The following EIF4E variants were observed in gnomAD, a reference collection of about 807,000 sequenced individuals.
EIF4E encodes eukaryotic translation initiation factor 4E.
For synonymous variants in EIF4E, 71 were observed against 88.5 expected (o/e 0.80, Z 1.11); for missense variants, 113 against 265.6 (o/e 0.43, Z 3.99).
At chr4:98,891,103 T>G (rs916725629) in intron 3 of EIF4E, 134 bp downstream of exon 3, 1 of 939,266 alleles carries the variant, frequency 1.1e-6, no homozygotes, top group Non-Finnish European at 1.6e-6. Flanking sequence ...TTCAAACTTT[T>G]GTGAGGAGAT....
At chr4:98,912,450 C>A (rs1725193120) in intron 1 of EIF4E, among the ~76,000 whole-genome samples, 11 of 151,740 alleles carry the variant, frequency 7.2e-5, no homozygotes, top group Admixed American at 7.2e-4. Flanking sequence ...GTGGTGCATG[C>A]CTGTAATCCC....
At chr4:98,907,116 A>G (rs963013204) in intron 1 of EIF4E, among the ~76,000 whole-genome samples, 5 of 152,152 alleles carry the variant, frequency 3.3e-5, no homozygotes, top group African/African-American at 9.7e-5. Context: ...GTTGTTTCAT[A>G]TGATTTGTTT....
In EIF4E at chr4:98,887,804, T is replaced by C. The variant is rs911184631; in HGVS notation, c.285+85A>G. 5.7e-6 allele frequency: 7 copies of C among 1,218,880 alleles called. No homozygotes were observed. The highest frequency in any genetic ancestry group is 6.0e-6 in the Non-Finnish European group (5 of 838,378). 75.5% of individuals were successfully genotyped at this position (1,218,880 alleles called of 1,614,324 possible). A position where few individuals can be genotyped will look rare whatever the true frequency, so the allele number is the denominator to read the frequency against. On this transcript the variant is annotated intron_variant, in intron 4 of 6. Coordinates refer to ENST00000450253, the MANE Select transcript of EIF4E (RefSeq NM_001968.5). This position sits in a 1 kb window ranked among gnomAD's most constrained non-coding sequence, Gnocchi z 4.0. ...AGCCTATTCATCACACTATCAAATATTCCTAAGTTTATGGTAAGATTTCTT... is the reference window on the plus strand; with the variant it reads ...AGCCTATTCATCACACTATCAAATACTCCTAAGTTTATGGTAAGATTTCTT...
intron 1 of EIF4E, among the ~76,000 whole-genome samples, chr4:98,910,723 T>A (rs993848408): frequency 6.6e-6 from 1 of 150,736 alleles, no homozygotes; most frequent in Non-Finnish European, 1.5e-5. Context: ...GTTTTAAAAC[T>A]TGGATGGATT....
chr4:98,902,787 C>T (rs990793518), intron 1 of EIF4E, among the ~76,000 whole-genome samples: 6 of 152,094 alleles, frequency 3.9e-5, no homozygotes, highest in African/African-American at 1.2e-4. Flanking sequence ...AGGAGGATTG[C>T]TTGAGCCCAG....
chr4:98,912,461 A>G (rs897689725), intron 1 of EIF4E, among the ~76,000 whole-genome samples: 4 of 151,898 alleles, frequency 2.6e-5, no homozygotes, highest in Admixed American at 1.3e-4. Flanking sequence ...CTGTAATCCC[A>G]GCTACGAAGG....
intron 2 of EIF4E, among the ~76,000 whole-genome samples, chr4:98,893,157 T>C (rs1486374177): frequency 6.6e-6 from 1 of 152,050 alleles, no homozygotes; most frequent in Non-Finnish European, 1.5e-5. Context: ...TAAAAAAAAA[T>C]GTACATACCT....
At chr4:98,903,241 G>A (rs551120898) in intron 1 of EIF4E, among the ~76,000 whole-genome samples, 28 of 152,054 alleles carry the variant, frequency 1.8e-4, no homozygotes, top group Non-Finnish European at 3.2e-4. Flanking sequence ...TTGGATATCA[G>A]ACTGAAGCAG....
chr4:98,896,486 C>CAAAAAAA (rs59729154), intron 2 of EIF4E, among the ~76,000 whole-genome samples: 682 of 38,970 alleles, frequency 0.018, 96 homozygotes, highest in African/African-American at 0.078. Flanking sequence ...CCGCATCTCT[C>CAAAAAAA]AAAAAAAAAA....
chr4:98,907,259 T>C (rs1009917826), intron 1 of EIF4E, among the ~76,000 whole-genome samples: 9 of 152,154 alleles, frequency 5.9e-5, no homozygotes, highest in Admixed American at 5.2e-4. Flanking sequence ...TTAAAGTAAA[T>C]TGAAGTAAGG....
At chr4:98,882,038 G>A (rs1174606636) in intron 6 of EIF4E, among the ~76,000 whole-genome samples, 1 of 152,170 alleles carries the variant, frequency 6.6e-6, no homozygotes, top group Non-Finnish European at 1.5e-5. Context: ...AAGTGAACAT[G>A]AGATAAAGCT....
chr4:98,928,678 C>T (rs371411064), intron 1 of EIF4E, among the ~76,000 whole-genome samples: 3 of 152,142 alleles, frequency 2.0e-5, no homozygotes, highest in East Asian at 1.9e-4. Context: ...AGGGCTCCCT[C>T]CTCCATCTCA....
intron 1 of EIF4E, among the ~76,000 whole-genome samples, chr4:98,907,774 C>T (rs1024190144): frequency 6.6e-6 from 1 of 152,012 alleles, no homozygotes; most frequent in African/African-American, 2.4e-5. Context: ...TAGGGTAAGT[C>T]CTTAAAATCC....
chr4:98,897,160 A>C (rs1724443750), intron 2 of EIF4E, among the ~76,000 whole-genome samples: 1 of 152,172 alleles, frequency 6.6e-6, no homozygotes, highest in Non-Finnish European at 1.5e-5. Flanking sequence ...AAGCAACAGT[A>C]GTTAAATCTG....
intron 2 of EIF4E, among the ~76,000 whole-genome samples, chr4:98,896,198 T>C (rs1307356907): frequency 6.6e-6 from 1 of 150,782 alleles, no homozygotes; most frequent in East Asian, 2.0e-4. Context: ...CCATCTCCAA[T>C]AAAATAAAAT....
intron 5 of EIF4E, among the ~76,000 whole-genome samples, chr4:98,886,076 C>T (rs534831779): frequency 2.6e-5 from 4 of 152,090 alleles, no homozygotes; most frequent in African/African-American, 9.6e-5. Context: ...TTGCTTGAAC[C>T]CAGGAGGCTA....
At position 98,902,391 on chromosome 4, in the gene EIF4E, A is replaced by G. The variant is rs114683144; in HGVS notation, c.19-409T>C. 2.8e-3 allele frequency among the ~76,000 whole-genome samples: 425 copies of G among 152,246 alleles called. 2 individuals are homozygous for G. The highest frequency in any genetic ancestry group is 9.2e-3 in the African/African-American group (381 of 41,552). ...GGCACTAGTAGTATTTTTTAAGAAG[A>G]AGGAATTAAAGCAGATTGCTTCATA... On this transcript the variant is annotated intron_variant, in intron 1 of 6. Transcript: ENST00000450253.
intron 1 of EIF4E, among the ~76,000 whole-genome samples, chr4:98,906,172 T>C (rs537055706): frequency 6.6e-6 from 1 of 152,318 alleles, no homozygotes; most frequent in African/African-American, 2.4e-5. Context: ...CTCCATTACC[T>C]TCATTCAACA....
intron 1 of EIF4E, chr4:98,909,498 C>T: frequency 1.7e-6 from 1 of 582,722 alleles, no homozygotes; most frequent in South Asian, 2.4e-5. Flanking sequence ...AAACTGGACC[C>T]CATGATTTAA....
Sources: allele counts gnomAD v4.1 joint callset (sites outside exome capture counted in the v4.1 genomes callset), GRCh38; gene constraint gnomAD v4.1.1; non-coding constraint Gnocchi (gnomAD v3.1); transcripts MANE v1.5; gene names NCBI Gene and HGNC (gene_info 2026-07-23, HGNC 2026-07-21).